Variants in KIAA0319L observed in about 807,000 individuals in gnomAD.
KIAA0319L encodes the protein KIAA0319 like, also known as dyslexia-associated protein KIAA0319-like protein.
A neutral mutation model predicts 120.1 loss-of-function variants in KIAA0319L; 55 were observed. The ratio of observed to expected loss-of-function variants is 0.46; its 90% confidence interval spans 0.37 to 0.57. The LOEUF (loss-of-function observed/expected upper bound fraction) is 0.57, where lower values mean the gene tolerates loss of function less well. KIAA0319L is among the 20% of genes least tolerant of loss of function. The pLI, the probability that KIAA0319L is intolerant of heterozygous loss-of-function variation, is 0.00. For missense variants in KIAA0319L, 1,049 were observed against 1,255.3 expected (o/e 0.84, Z 2.48); for synonymous variants, 398 against 471.9 (o/e 0.84, Z 2.03).
chr1:35,454,836 T>C lies in KIAA0319L; in HGVS notation c.1657-351A>G, dbSNP rs568501707. The C allele has an allele frequency of 9.0e-5, 19 of 210,566 alleles. No homozygotes were observed. The South Asian group carries it at 1.7e-3, about 19-fold the overall frequency. 13.0% of individuals were successfully genotyped at this position (210,566 alleles called of 1,614,324 possible). ...GTGAACAAACAATAAATGACCCAGT[T>C]TTAAAAACACTGTTTAAAAAGATCC... On this transcript the variant is annotated intron_variant, in intron 10 of 20. Transcript: ENST00000325722.
At chr1:35,464,972 G>A (rs977395654) in intron 7 of KIAA0319L, among the ~76,000 whole-genome samples, 25 of 152,198 alleles carry the variant, frequency 1.6e-4, no homozygotes, top group East Asian at 1.9e-4. Context: ...GGGAACTTCC[G>A]CCTAGATTTC....
At chr1:35,451,941 T>G (rs1642097319) in intron 12 of KIAA0319L, 165 bp from the exon 13 acceptor site, 1 of 754,564 alleles carries the variant, frequency 1.3e-6, no homozygotes, top group Non-Finnish European at 2.1e-6. Flanking sequence ...AAGTGTCATT[T>G]GGCCTCAAAA....
At chr1:35,465,524 A>G (rs1643195744) in intron 7 of KIAA0319L, among the ~76,000 whole-genome samples, 1 of 152,214 alleles carries the variant, frequency 6.6e-6, no homozygotes, top group East Asian at 1.9e-4. Context: ...ACAGGCTCAT[A>G]GGCAGAATCG....
chr1:35,442,917 T>C lies in KIAA0319L; in HGVS notation c.2768A>G (p.Asp923Gly). Residue 923 changes from aspartate (D) to glycine (G), a missense_variant, in exon 18 of 21, where the codon GAC becomes GGC. Physicochemically the swap from Asp to Gly is moderately conservative, Grantham distance 94 (BLOSUM62 -1). Transcript: ENST00000325722. ...CATAGAAAACTCACCACAGTTGCTG[T>C]CTCCATCCCTCAGCTGCACCTTGAT... ...NFIKVQLRDG[D>G]SNCEWSVLYV... 6.2e-7 allele frequency: 1 copy of C among 1,614,196 alleles called. No individual in the cohort carries two copies. The highest frequency in any genetic ancestry group is 8.5e-7 in the Non-Finnish European group (1 of 1,180,022).
At chr1:35,524,950 T>C (rs529605149) in intron 2 of KIAA0319L, among the ~76,000 whole-genome samples, 121 of 152,198 alleles carry the variant, frequency 8.0e-4, no homozygotes, top group Non-Finnish European at 1.5e-3. Context: ...TCCTTCTATC[T>C]AGCTGTGTGT....
chr1:35,484,804 A>ATTTTT (rs1446424002), intron 3 of KIAA0319L, among the ~76,000 whole-genome samples: 1 of 43,698 alleles, frequency 2.3e-5, no homozygotes, highest in African/African-American at 1.3e-4. Flanking sequence ...ATATATATAT[A>ATTTTT]TATTTTTTTT....
intron 3 of KIAA0319L, among the ~76,000 whole-genome samples, chr1:35,501,878 CAA>C (rs570439518): frequency 2.2e-4 from 21 of 94,246 alleles, no homozygotes; most frequent in Non-Finnish European, 1.1e-4. Flanking sequence ...AATTCCATCT[CAA>C]AAAAAAAAAA....
At chr1:35,482,487 T>C (rs1644216224) in intron 3 of KIAA0319L, among the ~76,000 whole-genome samples, 2 of 150,840 alleles carry the variant, frequency 1.3e-5, no homozygotes, top group South Asian at 4.2e-4. Context: ...TGGAGTGCAA[T>C]GGCGCAATCT....
intron 8 of KIAA0319L, among the ~76,000 whole-genome samples, chr1:35,461,266 A>G (rs1642869795): frequency 6.6e-6 from 1 of 152,188 alleles, no homozygotes; most frequent in South Asian, 2.1e-4. Flanking sequence ...CAGGAGTTTG[A>G]GACCAGCCTG....
At chr1:35,465,212 A>C (rs1268877217) in intron 7 of KIAA0319L, among the ~76,000 whole-genome samples, 1 of 152,218 alleles carries the variant, frequency 6.6e-6, no homozygotes, top group African/African-American at 2.4e-5. Context: ...GAAAAGCCGC[A>C]GACACTCAAC....
intron 2 of KIAA0319L, among the ~76,000 whole-genome samples, chr1:35,543,267 C>T (rs1213606303): frequency 1.3e-5 from 2 of 152,188 alleles, no homozygotes; most frequent in Admixed American, 6.5e-5. Flanking sequence ...AAAACTCTAC[C>T]TTCCCCCAAG....
intron 9 of KIAA0319L, 139 bp downstream of exon 9, chr1:35,460,166 C>T (rs1642787891): frequency 2.9e-6 from 2 of 700,942 alleles, no homozygotes; most frequent in Non-Finnish European, 4.8e-6. Context: ...GCTCAGAGAA[C>T]CAATGGAACC....
intron 3 of KIAA0319L, among the ~76,000 whole-genome samples, chr1:35,479,966 A>AAAAAAAAAAAAAAAAAAAAC (rs1644090904): frequency 1.5e-5 from 2 of 130,784 alleles, no homozygotes; most frequent in Admixed American, 8.5e-5. Context: ...AAAAAAAAAA[A>AAAAAAAAAAAAAAAAAAAAC]AAAAAACACA....
At chr1:35,530,475 T>C (rs1646321660) in intron 2 of KIAA0319L, among the ~76,000 whole-genome samples, 1 of 152,232 alleles carries the variant, frequency 6.6e-6, no homozygotes, top group Non-Finnish European at 1.5e-5. Context: ...TTCTCATTCA[T>C]ATCCTAAATT....
chr1:35,497,118 G>A (rs748952716), intron 3 of KIAA0319L, among the ~76,000 whole-genome samples: 2 of 151,806 alleles, frequency 1.3e-5, no homozygotes, highest in Non-Finnish European at 2.9e-5. Context: ...CAGATCAATG[G>A]ATGCCTAGGA....
chr1:35,542,349 C>T (rs1646825727), intron 2 of KIAA0319L, among the ~76,000 whole-genome samples: 1 of 152,206 alleles, frequency 6.6e-6, no homozygotes, highest in Admixed American at 6.5e-5. Flanking sequence ...ATGACTGAGA[C>T]TTGTCTGACA....
intron 3 of KIAA0319L, among the ~76,000 whole-genome samples, chr1:35,503,942 G>C (rs558545677): frequency 6.7e-6 from 1 of 150,162 alleles, no homozygotes; most frequent in Non-Finnish European, 1.5e-5. Context: ...CTGGAGTGCA[G>C]TGGTGCAATC....
chr1:35,484,445 T>C (rs557828080), intron 3 of KIAA0319L, among the ~76,000 whole-genome samples: 1 of 152,282 alleles, frequency 6.6e-6, no homozygotes, highest in Admixed American at 6.5e-5. Context: ...TTCCCAATTA[T>C]TCATTGCTAA....
chr1:35,470,951 T>G lies in KIAA0319L; in HGVS notation c.1025A>C (p.Tyr342Ser). 6.2e-7 allele frequency: 1 copy of G among 1,606,676 alleles called. No homozygotes were observed. Among genetic ancestry groups the G allele is most frequent in the Non-Finnish European group, 8.5e-7 (1 of 1,173,194 alleles). ...AGTAATCAGCTGCCAGTCGTAGGTGTAGGTTTCTCCTATAGAAGGGCAGTT... is the reference window on the plus strand; with the variant it reads ...AGTAATCAGCTGCCAGTCGTAGGTGGAGGTTTCTCCTATAGAAGGGCAGTT... ...VLQEPPKGETYTYDWQLITHP... is the reference protein window; with the variant it reads ...VLQEPPKGETSTYDWQLITHP... The change falls in exon 6 of 21, where the codon TAC (tyrosine) becomes TCC (serine). Residue 342 changes from tyrosine to serine, a missense_variant. Coordinates refer to ENST00000325722, the MANE Select transcript of KIAA0319L (RefSeq NM_024874.5).
Sources: allele counts gnomAD v4.1 joint callset (sites outside exome capture counted in the v4.1 genomes callset), GRCh38; gene constraint gnomAD v4.1.1; transcripts MANE v1.5; gene names NCBI Gene and HGNC (gene_info 2026-07-23, HGNC 2026-07-21).